The following AGBL4 variants were observed in gnomAD, a reference collection of about 807,000 sequenced individuals.
The protein encoded by AGBL4 is AGBL carboxypeptidase 4.
Under a neutral mutation model 66.4 loss-of-function variants are expected in AGBL4, and 58 were observed. The observed-to-expected ratio is 0.87, with a 90% CI of 0.71 to 1.09. The LOEUF (loss-of-function observed/expected upper bound fraction) is 1.09, where lower values mean the gene tolerates loss of function less well. Among genes scored for constraint, AGBL4 ranks in the 50% least tolerant of loss-of-function variants. The probability of loss-of-function intolerance (pLI) is 0.00; values close to 1 mark genes in which losing one functional copy is unlikely to be tolerated. For synonymous variants in AGBL4, 234 were observed against 222.9 expected (o/e 1.05, Z -0.44); for missense variants, 579 against 631.0 (o/e 0.92, Z 0.88).
At chr1:49,919,407 A>G (rs548130696) in intron 1 of AGBL4, among the ~76,000 whole-genome samples, 1 of 152,334 alleles carries the variant, frequency 6.6e-6, no homozygotes, top group Admixed American at 6.5e-5. Flanking sequence ...ATACAAAATC[A>G]ATGTGCAAAA....
chr1:48,783,068 A>C (rs1289435334), intron 6 of AGBL4, among the ~76,000 whole-genome samples: 1 of 152,192 alleles, frequency 6.6e-6, no homozygotes, highest in African/African-American at 2.4e-5. Context: ...TATGCATTTA[A>C]GATTTTTCCA....
chr1:49,651,257 C>A (rs1285751359), intron 3 of AGBL4, among the ~76,000 whole-genome samples: 1 of 152,148 alleles, frequency 6.6e-6, no homozygotes, highest in African/African-American at 2.4e-5. Flanking sequence ...GGACAAGGAA[C>A]TGGTGCAGCG....
intron 3 of AGBL4, among the ~76,000 whole-genome samples, chr1:49,639,091 T>C (rs1192958373): frequency 6.6e-6 from 1 of 152,166 alleles, no homozygotes; most frequent in East Asian, 1.9e-4. Flanking sequence ...AGTGTGCATC[T>C]ATTCAGCTAG....
intron 3 of AGBL4, among the ~76,000 whole-genome samples, chr1:49,250,921 T>C (rs998982930): frequency 1.3e-5 from 2 of 152,154 alleles, no homozygotes; most frequent in African/African-American, 2.4e-5. Context: ...CTCACAGGGT[T>C]TGGTGCAGGG....
chr1:49,732,659 A>G (rs1649544588), intron 2 of AGBL4, among the ~76,000 whole-genome samples: 1 of 152,188 alleles, frequency 6.6e-6, no homozygotes, highest in Non-Finnish European at 1.5e-5. Flanking sequence ...AAGGATAAAC[A>G]GTAGATTTGA....
intron 2 of AGBL4, among the ~76,000 whole-genome samples, chr1:49,813,434 C>T (rs926379667): frequency 1.3e-5 from 2 of 152,066 alleles, no homozygotes; most frequent in African/African-American, 4.8e-5. Flanking sequence ...ACAAAACAGT[C>T]TCTACTCCAA....
chr1:49,948,043 A>AAAT (rs1655510819), intron 1 of AGBL4, among the ~76,000 whole-genome samples: 28 of 6,908 alleles, frequency 4.1e-3, no homozygotes, highest in Non-Finnish European at 6.8e-3. Flanking sequence ...TATACATATA[A>AAAT]ATATATAAAT....
At chr1:49,405,376 G>A (rs1557909827) in intron 3 of AGBL4, among the ~76,000 whole-genome samples, 3 of 152,114 alleles carry the variant, frequency 2.0e-5, no homozygotes, top group Non-Finnish European at 4.4e-5. Flanking sequence ...TTCTAACTGT[G>A]TGGCTCTTTG....
intron 4 of AGBL4, among the ~76,000 whole-genome samples, chr1:49,141,290 T>C (rs1429391176): frequency 6.6e-6 from 1 of 152,176 alleles, no homozygotes; most frequent in Non-Finnish European, 1.5e-5. Context: ...AAAAAATATT[T>C]ATTGACCATG....
intron 6 of AGBL4, among the ~76,000 whole-genome samples, chr1:48,797,398 T>C (rs1359618713): frequency 1.3e-5 from 2 of 152,178 alleles, no homozygotes; most frequent in Non-Finnish European, 2.9e-5. Flanking sequence ...CAAGTCCCCA[T>C]AATCCATTAT....
At chr1:49,714,258 A>G (rs1414135591) in intron 2 of AGBL4, among the ~76,000 whole-genome samples, 1 of 151,966 alleles carries the variant, frequency 6.6e-6, no homozygotes, top group Admixed American at 6.6e-5. Context: ...ACATGGATAT[A>G]TTGCATAGGG....
intron 6 of AGBL4, among the ~76,000 whole-genome samples, chr1:48,704,102 A>G (rs1477858541): frequency 6.6e-6 from 1 of 152,184 alleles, no homozygotes; most frequent in Non-Finnish European, 1.5e-5. Context: ...TTGTAACTCA[A>G]TGGAAAGTAT....
chr1:49,627,785 C>T (rs1318241931), intron 3 of AGBL4, among the ~76,000 whole-genome samples: 2 of 152,124 alleles, frequency 1.3e-5, no homozygotes, highest in African/African-American at 4.8e-5. Flanking sequence ...GATCATAAGG[C>T]AATAGGTGAA....
At chr1:49,898,089 A>C (rs1348084614) in intron 1 of AGBL4, among the ~76,000 whole-genome samples, 1 of 152,178 alleles carries the variant, frequency 6.6e-6, no homozygotes, top group Non-Finnish European at 1.5e-5. Context: ...AAGAACAGGT[A>C]ACCAAAGCAA....
chr1:48,570,803 A>AT (rs34442166), intron 11 of AGBL4, among the ~76,000 whole-genome samples: 1 of 152,060 alleles, frequency 6.6e-6, no homozygotes, highest in African/African-American at 2.4e-5. Flanking sequence ...TGTGCTTGAG[A>AT]TTTTCCAGTC....
chr1:48,849,271 T>C (rs1418923900), intron 6 of AGBL4, among the ~76,000 whole-genome samples: 1 of 152,244 alleles, frequency 6.6e-6, no homozygotes, highest in African/African-American at 2.4e-5. Context: ...CCTTTATTTT[T>C]TTCAAACCTA....
chr1:48,590,316 G>A (rs532190773), intron 10 of AGBL4, among the ~76,000 whole-genome samples: 1 of 150,176 alleles, frequency 6.7e-6, no homozygotes, highest in Non-Finnish European at 1.5e-5. Context: ...TGAGGCAGGA[G>A]AATCGCTTGA....
chr1:49,969,847 T>C (rs1657900971), intron 1 of AGBL4, among the ~76,000 whole-genome samples: 1 of 152,216 alleles, frequency 6.6e-6, no homozygotes, highest in Admixed American at 6.5e-5. Flanking sequence ...TTCAAGATTC[T>C]GATTTGAAGC....
intron 1 of AGBL4, among the ~76,000 whole-genome samples, chr1:49,929,924 G>C (rs1653164860): frequency 1.3e-5 from 2 of 152,004 alleles, no homozygotes; most frequent in South Asian, 4.1e-4. Flanking sequence ...TTTGAATATA[G>C]ACTGTGATAA....
Sources: gnomAD v4.1 joint callset for allele counts (sites outside exome capture counted in the v4.1 genomes callset) on GRCh38, gnomAD v4.1.1 for gene constraint, MANE v1.5 for transcripts, NCBI Gene and HGNC (gene_info 2026-07-23, HGNC 2026-07-21) for gene names.